TXLNB: variants seen among roughly 807,000 people sequenced by gnomAD.
TXLNB encodes the protein taxilin beta.
Under a neutral mutation model 57.4 loss-of-function variants are expected in TXLNB, and 37 were observed. That is an observed-to-expected ratio of 0.64 (90% CI 0.50 to 0.85). The LOEUF is 0.85. TXLNB is among the 40% of genes least tolerant of loss of function. The pLI is 0.00. For synonymous variants in TXLNB, 302 were observed against 309.6 expected, an observed-to-expected ratio of 0.98 and a Z score of 0.26; for missense variants, 848 against 825.6, an observed-to-expected ratio of 1.03 and a Z score of -0.33.
At chr6:139,277,921 T>C (rs999054759) in intron 2 of TXLNB, among the ~76,000 whole-genome samples, 2 of 152,072 alleles carry the variant, frequency 1.3e-5, no homozygotes, top group African/African-American at 4.8e-5. Flanking sequence ...TTGGCTAGAG[T>C]ACTTGCTTTC....
rs1441708634 is a variant in TXLNB, at chr6:139,282,919, T to C, written c.424+5557A>G. ...TAGGTTGACTAGATGGATTCTGAGC[T>C]CAGAATAGCCCTGTGAATGAGCTTT... On this transcript the variant is annotated intron_variant, in intron 2 of 9. Coordinates refer to ENST00000358430, the MANE Select transcript of TXLNB (RefSeq NM_153235.4). Among the ~76,000 whole-genome samples the C allele has an allele frequency of 2.8e-5, 4 of 145,142 alleles. 1 individual carries two copies. Among genetic ancestry groups the C allele is most frequent in the African/African-American group, 1.0e-4 (4 of 39,312 alleles).
chr6:139,227,127 G>C, the TXLNB span, among the ~76,000 whole-genome samples: 2 of 151,794 alleles, frequency 1.3e-5, no homozygotes, highest in Admixed American at 6.6e-5. Flanking sequence ...AGGATCATGA[G>C]GTCAGGAGTT....
At chr6:139,238,748 C>T (rs4896446), downstream of TXLNB, among the ~76,000 whole-genome samples, 91,613 of 152,078 alleles carry the variant, frequency 0.6, 28,622 homozygotes, top group South Asian at 0.7. Context: ...ATGCCTCACT[C>T]GCCTGTGAAA....
the TXLNB span, among the ~76,000 whole-genome samples, chr6:139,186,876 GA>G: frequency 6.6e-6 from 1 of 152,222 alleles, no homozygotes; most frequent in Non-Finnish European, 1.5e-5. Flanking sequence ...CACCCTGTAT[GA>G]TTCCATTTAT....
Position 139,272,850 on chromosome 6 carries a change from A to G in TXLNB, c.517-2224T>C, listed in dbSNP as rs568858935. Among the ~76,000 whole-genome samples the G allele has an allele frequency of 4.6e-5, 7 of 152,324 alleles. No individual in the cohort carries two copies. The South Asian group carries it at 1.4e-3, about 32-fold the overall frequency. ...GGAGATGGAGACCAGCCTGGCCAAC[A>G]TGGTGAAACCTCATCTCTACTAAAA... On this transcript the variant is annotated intron_variant, in intron 3 of 9. Transcript: ENST00000358430.
chr6:139,196,364 G>GTTTTTTTTTTTTTTTTTTTTTTTTTTTT, the TXLNB span, among the ~76,000 whole-genome samples: 8 of 86,770 alleles, frequency 9.2e-5, 3 homozygotes, highest in African/African-American at 3.2e-4. Context: ...CTCCAGATCT[G>GTTTTTTTTTTTTTTTTTTTTTTTTTTTT]GTTTTTTTTT....
chr6:139,225,361 A>T, the TXLNB span, among the ~76,000 whole-genome samples: 52 of 152,246 alleles, frequency 3.4e-4, no homozygotes, highest in African/African-American at 1.2e-3. Flanking sequence ...AAAAGAGATA[A>T]TGAGTGGAAA....
downstream of TXLNB, among the ~76,000 whole-genome samples, chr6:139,235,632 G>C (rs564670100): frequency 6.6e-6 from 1 of 152,224 alleles, no homozygotes; most frequent in East Asian, 1.9e-4. Flanking sequence ...TTATGATAGT[G>C]ATATGGGATG....
chr6:139,243,787 T>G (rs1776007482), intron 9 of TXLNB, among the ~76,000 whole-genome samples: 1 of 152,192 alleles, frequency 6.6e-6, no homozygotes, highest in South Asian at 2.1e-4. Flanking sequence ...ATGAGTAATA[T>G]CTCTTTGGAA....
the TXLNB span, among the ~76,000 whole-genome samples, chr6:139,231,703 C>G: frequency 1.3e-5 from 2 of 152,042 alleles, no homozygotes; most frequent in Non-Finnish European, 2.9e-5. Context: ...ACACCAAAAT[C>G]CTTACATATC....
In TXLNB at chr6:139,243,319, G is replaced by T. The variant is rs1217671173; in HGVS notation, c.1267-5C>A. The T allele has an allele frequency of 1.2e-6, 2 of 1,602,956 alleles. No homozygotes were observed. The highest frequency in any genetic ancestry group is 2.2e-5 in the East Asian group (1 of 44,830). ...TTCTTTAGCTCTCAGTGCTTTCTGT[G>T]ATGTGAAAACACACGCACATACACA... is the stretch of plus-strand genomic sequence containing the variant. On this transcript the variant is annotated splice_region_variant and splice_polypyrimidine_tract_variant and intron_variant, in intron 9 of 9. Transcript: ENST00000358430.
the TXLNB span, among the ~76,000 whole-genome samples, chr6:139,192,008 AT>A: frequency 2.3e-4 from 35 of 152,134 alleles, 1 homozygote; most frequent in Non-Finnish European, 4.4e-4. Context: ...TATTAATGGC[AT>A]TTTTTTGAGT....
intron 7 of TXLNB, among the ~76,000 whole-genome samples, chr6:139,251,968 G>A (rs747982271): frequency 3.7e-4 from 56 of 152,274 alleles, no homozygotes; most frequent in Non-Finnish European, 6.8e-4. Context: ...AGTATTTTGC[G>A]TCCACATCAG....
At chr6:139,214,090 T>A in the TXLNB span, among the ~76,000 whole-genome samples, 1 of 152,024 alleles carries the variant, frequency 6.6e-6, no homozygotes, top group Non-Finnish European at 1.5e-5. Context: ...ACTATTCCAA[T>A]CAATAGAAAA....
the TXLNB span, among the ~76,000 whole-genome samples, chr6:139,202,528 A>AT: frequency 6.6e-6 from 1 of 152,102 alleles, no homozygotes; most frequent in Non-Finnish European, 1.5e-5. Context: ...TTGCAGGTTA[A>AT]TTTTCCTTGA....
At chr6:139,315,888 C>G in the TXLNB span, among the ~76,000 whole-genome samples, 2 of 152,018 alleles carry the variant, frequency 1.3e-5, no homozygotes, top group Admixed American at 6.5e-5. Flanking sequence ...ATTTTAGACA[C>G]AGAGAACTTA....
chr6:139,163,123 C>T, the TXLNB span, among the ~76,000 whole-genome samples: 1 of 152,182 alleles, frequency 6.6e-6, no homozygotes, highest in Non-Finnish European at 1.5e-5. Flanking sequence ...TTATTGCATC[C>T]AGTGAATTCT....
the TXLNB span, among the ~76,000 whole-genome samples, chr6:139,234,958 C>A: frequency 4.6e-5 from 7 of 152,238 alleles, no homozygotes; most frequent in Non-Finnish European, 2.9e-5. Context: ...CGGGAGCCCA[C>A]CTCTAGCATC....
At chr6:139,250,685 T>C (rs1481307510) in intron 7 of TXLNB, among the ~76,000 whole-genome samples, 5 of 152,244 alleles carry the variant, frequency 3.3e-5, no homozygotes, top group African/African-American at 1.2e-4. Context: ...CCTCAGACAC[T>C]GTGGTCTCCT....
Sources: gnomAD v4.1 joint callset for allele counts (sites outside exome capture counted in the v4.1 genomes callset) on GRCh38, gnomAD v4.1.1 for gene constraint, MANE v1.5 for transcripts, NCBI Gene and HGNC (gene_info 2026-07-23, HGNC 2026-07-21) for gene names.